The following ZC2HC1B variants were observed in gnomAD, a reference collection of about 807,000 sequenced individuals.
ZC2HC1B encodes the protein zinc finger C2HC-type containing 1B.
A neutral mutation model predicts 31.0 loss-of-function variants in ZC2HC1B; 36 were observed. The ratio of observed to expected loss-of-function variants is 1.16; its 90% CI spans 0.89 to 1.54. The LOEUF is 1.54. Ranked by LOEUF, ZC2HC1B falls within the 40% of genes most tolerant of loss-of-function variation. The pLI is 0.00. For synonymous variants in ZC2HC1B, 73 were observed against 88.0 expected, an observed-to-expected ratio of 0.83 and a Z score of 0.95; for missense variants, 260 against 268.6, an observed-to-expected ratio of 0.97 and a Z score of 0.22.
In ZC2HC1B at chr6:143,900,807, G is replaced by A. The variant is rs753465293; in HGVS notation, c.489+2116G>A. Among the ~76,000 whole-genome samples, 11 of 152,132 alleles carry A rather than the reference G, an allele frequency of 7.2e-5. No individual in the cohort carries two copies. In the South Asian group the frequency reaches 8.3e-4, roughly 11 times the overall value. ...AGGGAGGACATATGGGTGGTGAGAG[G>A]CAGTGGTTACAATAAATACAGTTTT... On this transcript the variant is annotated intron_variant, in intron 5 of 7. Coordinates refer to ENST00000237275, the MANE Select transcript of ZC2HC1B (RefSeq NM_001013623.3).
At chr6:143,920,264 G>A (rs961132942) in intron 6 of ZC2HC1B, among the ~76,000 whole-genome samples, 11 of 152,204 alleles carry the variant, frequency 7.2e-5, no homozygotes, top group Admixed American at 4.6e-4. Context: ...AAATCAACAC[G>A]AGGGTCTAGA....
At chr6:143,900,432 G>A (rs1490946098) in intron 5 of ZC2HC1B, among the ~76,000 whole-genome samples, 1 of 151,764 alleles carries the variant, frequency 6.6e-6, no homozygotes. Context: ...AAGAGGTACA[G>A]GGACAGGCAA....
rs894965236 is a variant in ZC2HC1B, at chr6:143,869,021, G to A, written c.28+4454G>A. Among the ~76,000 whole-genome samples the A allele has an allele frequency of 2.0e-4, 31 of 152,204 alleles. No homozygotes were observed. Among genetic ancestry groups the A allele is most frequent in the Admixed American group, 1.0e-3 (16 of 15,290 alleles). ...TTCTGCAGCTGGTCACGTGGTCATA[G>A]CTGGTATTGATGACTACATTCTTCT... On this transcript the variant is annotated intron_variant, in intron 1 of 7. Coordinates refer to ENST00000237275, the MANE Select transcript of ZC2HC1B (RefSeq NM_001013623.3). The surrounding 1 kb of genome is among the most constrained non-coding windows in gnomAD (Gnocchi z 5.2).
rs551920810 is a variant in ZC2HC1B at position 143,887,023 on chromosome 6, A to C, written c.349+202A>C. ...AACTCTGTCTCAACGTGGGAACACC[A>C]CTGTAGCTGTGCTGTAGTATTACAT... On this transcript the variant is annotated intron_variant, in intron 4 of 7. Transcript: ENST00000237275. This position sits in a 1 kb window ranked among gnomAD's most constrained non-coding sequence, Gnocchi z 5.1. Among the ~76,000 whole-genome samples, 33 of 152,312 alleles carry C rather than the reference A, an allele frequency of 2.2e-4. No homozygotes were observed. The highest frequency in any genetic ancestry group is 7.5e-4 in the African/African-American group (31 of 41,560).
rs1777525557 is a variant in ZC2HC1B, at chr6:143,885,855, A to G, written c.91-177A>G. ...CTTTGCTCAAGCACAATATCTAGTT[A>G]TATGTAACATGGATGAGAAGAGCCA... On this transcript the variant is annotated intron_variant, in intron 2 of 7. Transcript: ENST00000237275. The surrounding 1 kb of genome is among the most constrained non-coding windows in gnomAD (Gnocchi z 4.2). Among the ~76,000 whole-genome samples the G allele has an allele frequency of 6.6e-6, 1 of 152,242 alleles. No homozygotes were observed. Among genetic ancestry groups the G allele is most frequent in the Non-Finnish European group, 1.5e-5 (1 of 68,036 alleles).
rs571874525 is a variant in ZC2HC1B, at chr6:143,900,262, G to C, written c.489+1571G>C. Among the ~76,000 whole-genome samples the C allele has an allele frequency of 3.3e-3, 498 of 152,090 alleles. 4 individuals are homozygous for C. Among genetic ancestry groups the C allele is most frequent in the African/African-American group, 9.9e-3 (412 of 41,494 alleles). ...AAATCAGCCGTGTGTGGTGTCACAT[G>C]CCTGTAATCCCAGCTATTTGTGAGG... On this transcript the variant is annotated intron_variant, in intron 5 of 7. Transcript: ENST00000237275.
intron 5 of ZC2HC1B, 57 bp from the exon 6 acceptor site, chr6:143,902,987 C>A (rs1777753824): frequency 6.7e-7 from 1 of 1,486,340 alleles, no homozygotes; most frequent in African/African-American, 1.4e-5. Context: ...TCCTATGTGG[C>A]ACCTGAGGTT....
intron 4 of ZC2HC1B, among the ~76,000 whole-genome samples, chr6:143,897,651 A>G (rs1375639918): frequency 1.3e-5 from 2 of 151,150 alleles, no homozygotes; most frequent in Admixed American, 1.3e-4. Context: ...CTTTTATCCT[A>G]TTACTATCTC....
At chr6:143,937,306 A>G (rs112739443) in intron 6 of ZC2HC1B, among the ~76,000 whole-genome samples, 21 of 152,324 alleles carry the variant, frequency 1.4e-4, no homozygotes, top group African/African-American at 4.6e-4. Context: ...AAGATCCAAA[A>G]TATCAGGGTC....
In ZC2HC1B at chr6:143,911,935, C is replaced by A. The variant is rs1367095040; in HGVS notation, c.598+8783C>A. Among the ~76,000 whole-genome samples the A allele has an allele frequency of 6.6e-6, 1 of 152,120 alleles. No individual in the cohort carries two copies. Among genetic ancestry groups the A allele is most frequent in the African/African-American group, 2.4e-5 (1 of 41,420 alleles). On this transcript the variant is annotated intron_variant, in intron 6 of 7. Coordinates refer to ENST00000237275, the MANE Select transcript of ZC2HC1B (RefSeq NM_001013623.3). The surrounding 1 kb of genome is among the most constrained non-coding windows in gnomAD (Gnocchi z 4.5). Reference sequence around the variant, plus strand: ...TGTAGATTTGGTCTCTTTACATAATCCCATGTTTCTCAGAGGTTTTGTTCT... The same window carrying A: ...TGTAGATTTGGTCTCTTTACATAATACCATGTTTCTCAGAGGTTTTGTTCT...
At position 143,937,035 on chromosome 6, in the gene ZC2HC1B, CTTTTTTA is replaced by C. The variant is rs376641862; in HGVS notation, c.599-606_599-600del. The stretch of plus-strand genomic sequence containing the variant: ...TTCTTAGGACAGAGGGGACTTGTTC[CTTTTTTA>C]TTTTTTAACAAAAAAAAGAACCTCT... On this transcript the variant is annotated intron_variant, in intron 6 of 7. Coordinates refer to ENST00000237275, the MANE Select transcript of ZC2HC1B (RefSeq NM_001013623.3). Among the ~76,000 whole-genome samples, 683 of 152,168 alleles carry C rather than the reference CTTTTTTA, an allele frequency of 4.5e-3. 6 individuals carry two copies. The highest frequency in any genetic ancestry group is 0.016 in the African/African-American group (652 of 41,534).
At chr6:143,890,273 G>C (rs1430443813) in intron 4 of ZC2HC1B, among the ~76,000 whole-genome samples, 1 of 151,260 alleles carries the variant, frequency 6.6e-6, no homozygotes, top group African/African-American at 2.4e-5. Flanking sequence ...CCTAAATTAG[G>C]TCAAAAGAAG....
rs1028408649 is a variant in ZC2HC1B, at chr6:143,865,192, A to C, written c.28+625A>C. ...TTTTCTGATATCTTGGTTCTCTAAAAATCTATAAATGATGATTGGGAACTG... is the reference window on the plus strand; with the variant it reads ...TTTTCTGATATCTTGGTTCTCTAAACATCTATAAATGATGATTGGGAACTG... On this transcript the variant is annotated intron_variant, in intron 1 of 7. Coordinates refer to ENST00000237275, the MANE Select transcript of ZC2HC1B (RefSeq NM_001013623.3). The surrounding 1 kb of genome is among the most constrained non-coding windows in gnomAD (Gnocchi z 4.4). 6.6e-6 allele frequency among the ~76,000 whole-genome samples: 1 copy of C among 152,216 alleles called. No homozygotes were observed. Among genetic ancestry groups the C allele is most frequent in the Admixed American group, 6.5e-5 (1 of 15,276 alleles).
intron 6 of ZC2HC1B, among the ~76,000 whole-genome samples, chr6:143,925,171 T>A (rs1289679512): frequency 1.6e-5 from 1 of 62,000 alleles, no homozygotes; most frequent in Non-Finnish European, 3.6e-5. Context: ...ATTCCTTTTT[T>A]TTTTTTTTTT....
At chr6:143,902,692 A>C (rs899608645) in intron 5 of ZC2HC1B, among the ~76,000 whole-genome samples, 2 of 152,196 alleles carry the variant, frequency 1.3e-5, no homozygotes, top group African/African-American at 4.8e-5. Flanking sequence ...TTCAAGTGTA[A>C]TGAAAAAAAT....
In ZC2HC1B at chr6:143,903,424, A is replaced by G. The variant is rs1230376327; in HGVS notation, c.598+272A>G. On this transcript the variant is annotated intron_variant, in intron 6 of 7. Coordinates refer to ENST00000237275, the MANE Select transcript of ZC2HC1B (RefSeq NM_001013623.3). The surrounding 1 kb of genome is among the most constrained non-coding windows in gnomAD (Gnocchi z 4.3). Reference sequence around the variant, plus strand: ...GTTCTCCGGTCTAGTAAAATTGAAGAGATTGAAAATAGGAGAAGACCACGT... The same window carrying G: ...GTTCTCCGGTCTAGTAAAATTGAAGGGATTGAAAATAGGAGAAGACCACGT... Among the ~76,000 whole-genome samples the G allele has an allele frequency of 6.6e-6, 1 of 152,234 alleles. No homozygotes were observed. The highest frequency in any genetic ancestry group is 1.5e-5 in the Non-Finnish European group (1 of 68,040).
chr6:143,923,158 T>C lies in ZC2HC1B; in HGVS notation c.599-14491T>C, dbSNP rs1472232710. Among the ~76,000 whole-genome samples the C allele has an allele frequency of 6.6e-6, 1 of 152,150 alleles. No individual in the cohort carries two copies. Among genetic ancestry groups the C allele is most frequent in the Non-Finnish European group, 1.5e-5 (1 of 68,000 alleles). On this transcript the variant is annotated intron_variant, in intron 6 of 7. Transcript: ENST00000237275. This position sits in a 1 kb window ranked among gnomAD's most constrained non-coding sequence, Gnocchi z 4.8. ...ACCTGTTGTCCATTTTTAAGTCCTT[T>C]TTTTTTTCCCTGTAACCAGGGGTGA...
At position 143,908,141 on chromosome 6, in the gene ZC2HC1B, C is replaced by CT. The variant is rs933117949; in HGVS notation, c.598+4994dup. Among the ~76,000 whole-genome samples the CT allele has an allele frequency of 1.3e-5, 2 of 151,956 alleles. No individual in the cohort carries two copies. The highest frequency in any genetic ancestry group is 2.9e-5 in the Non-Finnish European group (2 of 67,924). ...TATTCTGTTCCATTGGTCTCTGAGT[C>CT]TTTTTGTACTAGTGTAATGCTGTTT... On this transcript the variant is annotated intron_variant, in intron 6 of 7. Transcript: ENST00000237275. The surrounding 1 kb of genome is among the most constrained non-coding windows in gnomAD (Gnocchi z 4.4).
Position 143,872,494 on chromosome 6 carries a change from C to T in ZC2HC1B, c.28+7927C>T, listed in dbSNP as rs970859690. 1.3e-5 allele frequency among the ~76,000 whole-genome samples: 2 copies of T among 152,122 alleles called. No homozygotes were observed. Among genetic ancestry groups the T allele is most frequent in the African/African-American group, 4.8e-5 (2 of 41,416 alleles). On this transcript the variant is annotated intron_variant, in intron 1 of 7. Transcript: ENST00000237275. This position sits in a 1 kb window ranked among gnomAD's most constrained non-coding sequence, Gnocchi z 5.5. Reference sequence around the variant, plus strand: ...TTGATGGCTGAGTGCTGCCACTTGGCCCCTGCCACCTCGGGATCCAAATAT... The same window carrying T: ...TTGATGGCTGAGTGCTGCCACTTGGTCCCTGCCACCTCGGGATCCAAATAT...
Sources: allele counts gnomAD v4.1 joint callset (sites outside exome capture counted in the v4.1 genomes callset), GRCh38; gene constraint gnomAD v4.1.1; non-coding constraint Gnocchi (gnomAD v3.1); transcripts MANE v1.5; gene names NCBI Gene and HGNC (gene_info 2026-07-23, HGNC 2026-07-21).